The following HIPK3 variants were observed in gnomAD, a reference collection of about 807,000 sequenced individuals.
HIPK3 encodes the protein homeodomain interacting protein kinase 3, also known as homeodomain-interacting protein kinase 3.
HIPK3 carries 47 observed loss-of-function variants against 124.2 expected under a neutral mutation model. The ratio of observed to expected loss-of-function variants is 0.38; its 90% CI spans 0.30 to 0.48. HIPK3 has a LOEUF of 0.48. HIPK3 is among the 20% of genes least tolerant of loss of function. The pLI, the probability that HIPK3 is intolerant of heterozygous loss-of-function variation, is 0.98. For synonymous variants in HIPK3, 482 were observed against 515.2 expected, an observed-to-expected ratio of 0.94 and a Z score of 0.87; for missense variants, 1,286 against 1,454.3, an observed-to-expected ratio of 0.88 and a Z score of 1.88.
chr11:33,286,599 T>C lies in HIPK3; in HGVS notation c.185T>C (p.Phe62Ser). The C allele has an allele frequency of 6.2e-7, 1 of 1,614,120 alleles. No individual in the cohort carries two copies. Among genetic ancestry groups the C allele is most frequent in the Non-Finnish European group, 8.5e-7 (1 of 1,180,012 alleles). The change falls in exon 2 of 17, where the codon TTT becomes TCT. Residue 62 changes from phenylalanine (F) to serine (S), a missense_variant. Around this residue, in one of 3 missense-constraint regions of HIPK3, gnomAD observed 225 missense variants for 240.3 expected, o/e 0.94. Coordinates refer to ENST00000303296, the MANE Select transcript of HIPK3 (RefSeq NM_005734.5). ...CATCCTCCCACTAAGGGTAGTGCTT[T>C]TCAGACAAAGATACCATTTAATAGA... ...NSHPPTKGSA[F>S]QTKIPFNRPR...
At chr11:33,307,675 G>A (rs1250530577) in intron 2 of HIPK3, among the ~76,000 whole-genome samples, 2 of 151,662 alleles carry the variant, frequency 1.3e-5, no homozygotes, top group African/African-American at 2.4e-5. Flanking sequence ...CAAAGTGCTG[G>A]GATTACAGGC....
At chr11:33,352,974 T>C in intron 16 of HIPK3, 118 bp from the exon 17 acceptor site, 1 of 628,908 alleles carries the variant, frequency 1.6e-6, no homozygotes, top group Middle Eastern at 3.9e-4. Context: ...AAGTTAGTTC[T>C]GAGAGATCCA....
chr11:33,320,009 C>G (rs1325094004), intron 2 of HIPK3, among the ~76,000 whole-genome samples: 1 of 152,210 alleles, frequency 6.6e-6, no homozygotes. Flanking sequence ...AGGAAGGGAT[C>G]AAGTCTTGTA....
At chr11:33,302,571 A>C (rs888708451) in intron 2 of HIPK3, among the ~76,000 whole-genome samples, 1 of 152,018 alleles carries the variant, frequency 6.6e-6, no homozygotes. Context: ...CCTGACCTCA[A>C]GTGGTCCACC....
intron 3 of HIPK3, among the ~76,000 whole-genome samples, chr11:33,334,050 C>T (rs550410992): frequency 6.6e-6 from 1 of 152,154 alleles, no homozygotes; most frequent in African/African-American, 2.4e-5. Flanking sequence ...GGAGAAAGAA[C>T]AGCACTTTAA....
chr11:33,341,144 A>G lies in HIPK3; in HGVS notation c.1773+17A>G. On this transcript the variant is annotated intron_variant, in intron 7 of 16. Transcript: ENST00000303296. ...AGAAGTCAGGTAAGAATGTGTAGTA[A>G]TTAATAACTTAGGGTCTTTTTTTAA... is the stretch of plus-strand genomic sequence containing the variant. The G allele has an allele frequency of 6.5e-7, 1 of 1,537,460 alleles. No individual in the cohort carries two copies. Among genetic ancestry groups the G allele is most frequent in the Non-Finnish European group, 8.8e-7 (1 of 1,140,500 alleles).
intron 2 of HIPK3, among the ~76,000 whole-genome samples, chr11:33,311,550 A>C (rs1370936696): frequency 6.6e-6 from 1 of 152,056 alleles, no homozygotes; most frequent in Non-Finnish European, 1.5e-5. Context: ...AACTGAGCAG[A>C]AAGTACTGAG....
At chr11:33,312,211 T>C (rs1324546126) in intron 2 of HIPK3, among the ~76,000 whole-genome samples, 1 of 152,196 alleles carries the variant, frequency 6.6e-6, no homozygotes, top group Non-Finnish European at 1.5e-5. Context: ...TTGTTCAGTA[T>C]CCTTCCATTT....
chr11:33,328,734 T>A, intron 3 of HIPK3, 101 bp downstream of exon 3: 1 of 1,011,830 alleles, frequency 9.9e-7, no homozygotes, highest in South Asian at 2.0e-5. Context: ...CTGGAAAGTC[T>A]TTTTAACATA....
At chr11:33,257,182 C>T (rs1296000740), upstream of HIPK3, 1 of 943,372 alleles carries the variant, frequency 1.1e-6, no homozygotes, top group African/African-American at 1.8e-5. Flanking sequence ...CACGGGCTGG[C>T]AGGCGGGCTC....
intron 3 of HIPK3, among the ~76,000 whole-genome samples, chr11:33,333,672 C>G (rs966100055): frequency 6.6e-6 from 1 of 152,112 alleles, no homozygotes; most frequent in Non-Finnish European, 1.5e-5. Flanking sequence ...TCACTGGCCA[C>G]TTTTGTTTGT....
At position 33,349,179 on chromosome 11, in the gene HIPK3, A is replaced by C; in HGVS notation, c.2699A>C (p.Gln900Pro). The change falls in exon 14 of 17, where the codon CAG becomes CCG. Residue 900 changes from glutamine to proline, a missense_variant. Physicochemically the swap from Gln to Pro is moderately conservative, Grantham distance 76. This residue lies in a region of HIPK3 where 810 missense variants were observed against 864.9 expected (regional missense o/e 0.94). Transcript: ENST00000303296. ...CKGSLDCEAC[Q>P]STLNIDRMCS... The stretch of plus-strand genomic sequence containing the variant: ...GGTAGTCTAGATTGTGAAGCTTGCC[A>C]GAGCACTTTGAATATTGATCGGATG... The C allele has an allele frequency of 6.2e-7, 1 of 1,614,040 alleles. No homozygotes were observed. The highest frequency in any genetic ancestry group is 1.3e-5 in the African/African-American group (1 of 75,044).
In HIPK3 at chr11:33,351,692, T is replaced by C. The variant is rs1853663662; in HGVS notation, c.2892T>C (p.Phe964=). 1.9e-6 allele frequency: 3 copies of C among 1,614,222 alleles called. No homozygotes were observed. The highest frequency in any genetic ancestry group is 2.7e-5 in the African/African-American group (2 of 75,064). The change falls in exon 15 of 17, where the codon TTT becomes TTC. Residue 964 remains phenylalanine, a synonymous_variant. Transcript: ENST00000303296. ...ACTCTTCCGGGCATGACAGTCCATTTGCAGAGAGCACTTTTGTGGAGGACA... is the reference window on the plus strand; with the variant it reads ...ACTCTTCCGGGCATGACAGTCCATTCGCAGAGAGCACTTTTGTGGAGGACA... ...TSDSSGHDSP[F]AESTFVEDTH...
chr11:33,310,846 T>A (rs2622381), intron 2 of HIPK3, among the ~76,000 whole-genome samples: 2,074 of 152,230 alleles, frequency 0.014, 53 homozygotes, highest in African/African-American at 0.047. Context: ...ATCAAGTAGG[T>A]AGATCATGTT....
chr11:33,342,102 C>G (rs1317253593), intron 8 of HIPK3, among the ~76,000 whole-genome samples: 1 of 55,584 alleles, frequency 1.8e-5, no homozygotes, highest in African/African-American at 7.5e-5. Flanking sequence ...GACTCTGTCT[C>G]AAAAAAAAAA....
chr11:33,347,829 C>T (rs756645362), intron 10 of HIPK3, 23 bp from the exon 11 acceptor site: 26 of 1,613,754 alleles, frequency 1.6e-5, no homozygotes, highest in Non-Finnish European at 2.1e-5. Context: ...TGATTAAAAA[C>T]ATTGTTCTGA....
intron 15 of HIPK3, 26 bp from the exon 16 acceptor site, chr11:33,352,112 C>G (rs925697351): frequency 6.2e-7 from 1 of 1,600,226 alleles, no homozygotes; most frequent in African/African-American, 1.3e-5. Context: ...AAAGCATAAA[C>G]TCTTTAATAT....
chr11:33,288,999 C>T (rs753971263), intron 2 of HIPK3, among the ~76,000 whole-genome samples: 4 of 152,126 alleles, frequency 2.6e-5, no homozygotes, highest in Non-Finnish European at 4.4e-5. Context: ...TACCTGATTA[C>T]CCTTCTTGCA....
At chr11:33,309,667 C>A (rs1466093758) in intron 2 of HIPK3, among the ~76,000 whole-genome samples, 1 of 152,190 alleles carries the variant, frequency 6.6e-6, no homozygotes, top group Non-Finnish European at 1.5e-5. Flanking sequence ...ACACCCACCA[C>A]CTGGATTCTA....
Sources: allele counts gnomAD v4.1 joint callset (sites outside exome capture counted in the v4.1 genomes callset), GRCh38; gene constraint gnomAD v4.1.1; regional missense constraint gnomAD v4.1.1; transcripts MANE v1.5; gene names NCBI Gene and HGNC (gene_info 2026-07-23, HGNC 2026-07-21).